Variants in AGBL1 observed in about 807,000 individuals in gnomAD.
AGBL1 encodes the protein cytosolic carboxypeptidase 4.
Under a neutral mutation model 118.9 loss-of-function variants are expected in AGBL1, and 130 were observed. The observed-to-expected ratio is 1.09, with a 90% CI of 0.95 to 1.26. The LOEUF (loss-of-function observed/expected upper bound fraction) is 1.26. Ranked by LOEUF, AGBL1 falls within the 50% of genes most tolerant of loss-of-function variation. AGBL1 has a pLI of 0.00. For synonymous variants in AGBL1, 555 were observed against 478.9 expected (o/e 1.16, Z -2.08); for missense variants, 1,584 against 1,298.1 (o/e 1.22, Z -3.38).
At chr15:86,212,126 T>A (rs2141889745) in intron 5 of AGBL1, among the ~76,000 whole-genome samples, 1 of 152,380 alleles carries the variant, frequency 6.6e-6, no homozygotes, top group Admixed American at 6.5e-5. Context: ...CAGACAACTG[T>A]TGCAATCTAT....
chr15:86,416,881 C>T (rs1375277305), intron 18 of AGBL1, among the ~76,000 whole-genome samples: 2 of 152,168 alleles, frequency 1.3e-5, no homozygotes, highest in African/African-American at 4.8e-5. Flanking sequence ...AGTTTCCTGG[C>T]ATAGATAAGA....
At chr15:87,018,139 C>A (rs1311518172) in intron 24 of AGBL1, among the ~76,000 whole-genome samples, 2 of 134,352 alleles carry the variant, frequency 1.5e-5, no homozygotes, top group Non-Finnish European at 2.9e-5. Context: ...ACTGTGCCTA[C>A]AATGGATTGG....
chr15:86,315,228 G>A (rs772887721), intron 17 of AGBL1, among the ~76,000 whole-genome samples: 8 of 152,170 alleles, frequency 5.3e-5, no homozygotes, highest in Non-Finnish European at 1.2e-4. Context: ...CTACTGAAAT[G>A]TAATGTCAAG....
At chr15:86,828,403 T>C (rs903843234) in intron 22 of AGBL1, among the ~76,000 whole-genome samples, 47 of 152,068 alleles carry the variant, frequency 3.1e-4, no homozygotes, top group African/African-American at 1.1e-3. Context: ...AATCTCGAGA[T>C]GGGAAGATTA....
chr15:86,163,573 C>G (rs2077296476), intron 5 of AGBL1, among the ~76,000 whole-genome samples: 1 of 151,728 alleles, frequency 6.6e-6, no homozygotes. Context: ...ACTAAAAATA[C>G]AAAAATTAGC....
chr15:87,013,829 C>T (rs559413254), intron 24 of AGBL1, among the ~76,000 whole-genome samples: 5 of 152,152 alleles, frequency 3.3e-5, no homozygotes, highest in African/African-American at 1.2e-4. Context: ...ATGCTGAATT[C>T]CCAGCTCAAC....
intron 1 of AGBL1, among the ~76,000 whole-genome samples, chr15:86,128,249 G>A (rs909821112): frequency 2.6e-5 from 4 of 152,118 alleles, no homozygotes; most frequent in Non-Finnish European, 4.4e-5. Flanking sequence ...AAGGCGGCAG[G>A]CAAGAGAGCT....
At chr15:86,276,532 T>C (rs1055725196) in intron 15 of AGBL1, among the ~76,000 whole-genome samples, 2 of 152,174 alleles carry the variant, frequency 1.3e-5, no homozygotes, top group African/African-American at 4.8e-5. Flanking sequence ...AAACTTTAAC[T>C]GAACAGCTGC....
intron 18 of AGBL1, among the ~76,000 whole-genome samples, chr15:86,451,933 G>A (rs983080792): frequency 5.3e-5 from 8 of 151,966 alleles, no homozygotes; most frequent in Admixed American, 1.3e-4. Flanking sequence ...ATTCAAGACC[G>A]TAAAAAAATC....
intron 22 of AGBL1, among the ~76,000 whole-genome samples, chr15:86,720,948 GGAA>G (rs1424982812): frequency 1.3e-5 from 2 of 152,112 alleles, no homozygotes; most frequent in Non-Finnish European, 2.9e-5. Context: ...GACTAAACCA[GGAA>G]GAAGTTGAAT....
intron 5 of AGBL1, among the ~76,000 whole-genome samples, chr15:86,194,664 C>T (rs1597526478): frequency 6.6e-6 from 1 of 152,264 alleles, no homozygotes; most frequent in Non-Finnish European, 1.5e-5. Context: ...CAAGATATAT[C>T]ATGAGATAAA....
At chr15:86,400,627 G>A (rs984658738) in intron 18 of AGBL1, among the ~76,000 whole-genome samples, 1 of 138,182 alleles carries the variant, frequency 7.2e-6, no homozygotes, top group African/African-American at 2.8e-5. Flanking sequence ...TCCCCCACAA[G>A]TCCCCAAAGT....
intron 17 of AGBL1, among the ~76,000 whole-genome samples, chr15:86,370,313 T>TC (rs2080953508): frequency 6.6e-6 from 1 of 150,922 alleles, no homozygotes; most frequent in Non-Finnish European, 1.5e-5. Flanking sequence ...TTTTTTTTTT[T>TC]TTTTTTCTTT....
chr15:86,364,958 C>CACACATATATATATAT (rs1474501613), intron 17 of AGBL1, among the ~76,000 whole-genome samples: 2 of 76,156 alleles, frequency 2.6e-5, no homozygotes, highest in African/African-American at 3.8e-5. Flanking sequence ...ATATGTCACA[C>CACACATATATATATAT]ATATATATAT....
chr15:86,776,748 ATATGTG>A (rs911307721), intron 22 of AGBL1, among the ~76,000 whole-genome samples: 11 of 106,538 alleles, frequency 1.0e-4, no homozygotes, highest in African/African-American at 5.3e-4. Flanking sequence ...TTATATATAT[ATATGTG>A]TGTGTGTGTG....
chr15:86,745,786 C>T (rs1013095773), intron 22 of AGBL1, among the ~76,000 whole-genome samples: 2 of 152,050 alleles, frequency 1.3e-5, no homozygotes, highest in Non-Finnish European at 2.9e-5. Flanking sequence ...GTTAAAACAT[C>T]TTGTTAACGC....
At chr15:86,983,781 C>A (rs2081254203) in intron 23 of AGBL1, among the ~76,000 whole-genome samples, 19 of 152,112 alleles carry the variant, frequency 1.2e-4, no homozygotes, top group Admixed American at 1.2e-3. Flanking sequence ...TATATAAATA[C>A]AATCGTACAT....
At chr15:86,233,008 T>A (rs1428511898) in intron 6 of AGBL1, among the ~76,000 whole-genome samples, 2 of 152,180 alleles carry the variant, frequency 1.3e-5, no homozygotes, top group Non-Finnish European at 2.9e-5. Context: ...GGCATCTCAT[T>A]CTCACTAGAG....
chr15:86,692,137 C>G (rs2086183031), intron 22 of AGBL1, among the ~76,000 whole-genome samples: 1 of 151,812 alleles, frequency 6.6e-6, no homozygotes, highest in Middle Eastern at 3.2e-3. Context: ...GACATTGCAC[C>G]ACTGCACTCC....
Sources: gnomAD v4.1 joint callset for allele counts (sites outside exome capture counted in the v4.1 genomes callset) on GRCh38, gnomAD v4.1.1 for gene constraint, MANE v1.5 for transcripts, NCBI Gene and HGNC (gene_info 2026-07-23, HGNC 2026-07-21) for gene names.